GALNT14: variants seen among roughly 807,000 people sequenced by gnomAD.
The protein encoded by GALNT14 is polypeptide N-acetylgalactosaminyltransferase 14.
GALNT14 carries 60 observed loss-of-function variants against 77.5 expected under a neutral mutation model. The observed-to-expected ratio is 0.77, with a 90% CI of 0.63 to 0.96. The LOEUF is 0.96. GALNT14 is among the 40% of genes least tolerant of loss of function. The pLI is 0.00. For missense variants in GALNT14, 710 were observed against 731.0 expected (o/e 0.97, Z 0.33); for synonymous variants, 280 against 281.7 (o/e 0.99, Z 0.06).
intron 2 of GALNT14, among the ~76,000 whole-genome samples, chr2:30,972,752 G>A (rs1394614148): frequency 3.9e-5 from 6 of 152,190 alleles, no homozygotes; most frequent in Admixed American, 2.0e-4. Flanking sequence ...ACCACCCGAA[G>A]AGGCGGTTTC....
At chr2:31,093,558 C>T (rs1243992727) in intron 1 of GALNT14, among the ~76,000 whole-genome samples, 1 of 152,204 alleles carries the variant, frequency 6.6e-6, no homozygotes, top group Non-Finnish European at 1.5e-5. Context: ...TAAACATCCA[C>T]AGCACAGACC....
intron 1 of GALNT14, among the ~76,000 whole-genome samples, chr2:31,122,919 C>A (rs13413655): frequency 0.026 from 3,931 of 152,226 alleles, 159 homozygotes; most frequent in African/African-American, 0.084. Context: ...CTGTGGCTTA[C>A]GCCTGTAATC....
At chr2:31,112,068 C>A (rs1412410229) in intron 1 of GALNT14, among the ~76,000 whole-genome samples, 1 of 151,800 alleles carries the variant, frequency 6.6e-6, no homozygotes, top group Non-Finnish European at 1.5e-5. Flanking sequence ...ACTGAGCTCC[C>A]ATTTCAATTG....
intron 1 of GALNT14, among the ~76,000 whole-genome samples, chr2:31,035,617 C>CACA (rs1558512364): frequency 1.7e-4 from 5 of 29,756 alleles, no homozygotes; most frequent in African/African-American, 8.5e-4. Context: ...ACACACACAC[C>CACA]TACACACACA....
At chr2:31,012,339 C>A (rs960479770) in intron 1 of GALNT14, among the ~76,000 whole-genome samples, 2 of 152,204 alleles carry the variant, frequency 1.3e-5, no homozygotes, top group African/African-American at 2.4e-5. Flanking sequence ...GCAAGCAAAT[C>A]TGGTCCCTGC....
At chr2:30,948,803 A>C (rs547566551) in intron 6 of GALNT14, among the ~76,000 whole-genome samples, 1 of 152,084 alleles carries the variant, frequency 6.6e-6, no homozygotes, top group East Asian at 1.9e-4. Context: ...AGTCTTGGGG[A>C]CCCCCAGACT....
Position 30,940,371 on chromosome 2 carries a change from T to A in GALNT14, c.931+1830A>T, listed in dbSNP as rs546168406. Among the ~76,000 whole-genome samples, 4 of 152,304 alleles carry A rather than the reference T, an allele frequency of 2.6e-5. No homozygotes were observed. The East Asian group carries it at 7.7e-4, about 29-fold the overall frequency. ...ATGCTGCCTGAATCCAAATAGAACT[T>A]CCATGTGGAAGAAGAATCACTTTGT... On this transcript the variant is annotated intron_variant, in intron 9 of 14. Coordinates refer to ENST00000349752, the MANE Select transcript of GALNT14 (RefSeq NM_024572.4).
At chr2:30,932,690 G>A (rs1245044778) in intron 9 of GALNT14, among the ~76,000 whole-genome samples, 1 of 152,184 alleles carries the variant, frequency 6.6e-6, no homozygotes, top group East Asian at 1.9e-4. Context: ...GAAGACTCAG[G>A]ACAGGCTAGA....
At chr2:31,102,171 A>ATT (rs1201022075) in intron 1 of GALNT14, among the ~76,000 whole-genome samples, 2 of 85,308 alleles carry the variant, frequency 2.3e-5, no homozygotes, top group Non-Finnish European at 4.3e-5. Flanking sequence ...TAACTCATTA[A>ATT]TCTCTTTTAT....
intron 1 of GALNT14, among the ~76,000 whole-genome samples, chr2:31,123,723 TG>T (rs1433831908): frequency 6.6e-6 from 1 of 152,178 alleles, no homozygotes; most frequent in Non-Finnish European, 1.5e-5. Context: ...AAGAGTGACA[TG>T]ATCAGGACAG....
chr2:31,125,170 T>A (rs763434677), intron 1 of GALNT14: 12 of 1,550,074 alleles, frequency 7.7e-6, no homozygotes, highest in Non-Finnish European at 4.4e-6. Context: ...GAAGATGCCC[T>A]CTTTGGTAGG....
At chr2:31,130,734 C>CTGTGGTGTG in intron 1 of GALNT14, among the ~76,000 whole-genome samples, 1 of 117,470 alleles carries the variant, frequency 8.5e-6, no homozygotes, top group Non-Finnish European at 1.7e-5. Flanking sequence ...CAGGGTACCT[C>CTGTGGTGTG]TGTGTGTGTG....
the GALNT14 span, among the ~76,000 whole-genome samples, chr2:30,892,571 T>C: frequency 6.6e-6 from 1 of 152,206 alleles, no homozygotes; most frequent in East Asian, 1.9e-4. Context: ...TGGACTACCT[T>C]TTCCAGCATG....
intron 1 of GALNT14, among the ~76,000 whole-genome samples, chr2:31,092,618 G>T (rs1193117150): frequency 1.3e-5 from 2 of 152,076 alleles, no homozygotes; most frequent in Non-Finnish European, 2.9e-5. Context: ...AGGAGATAAG[G>T]CTCCCTCTCC....
intron 13 of GALNT14, among the ~76,000 whole-genome samples, chr2:30,922,908 G>A (rs1351172462): frequency 6.6e-6 from 1 of 152,132 alleles, no homozygotes; most frequent in Non-Finnish European, 1.5e-5. Context: ...CAATAAACAG[G>A]AAACTGTCAA....
chr2:30,965,726 C>A (rs1039940759), intron 3 of GALNT14, among the ~76,000 whole-genome samples: 4 of 152,150 alleles, frequency 2.6e-5, no homozygotes, highest in Non-Finnish European at 5.9e-5. Context: ...GGAAGGCAAG[C>A]CTTAGTGATT....
chr2:30,895,507 C>T, the GALNT14 span, among the ~76,000 whole-genome samples: 1 of 152,286 alleles, frequency 6.6e-6, no homozygotes, highest in East Asian at 1.9e-4. Flanking sequence ...GTGTTCTTCT[C>T]CAACCTCTAA....
the GALNT14 span, among the ~76,000 whole-genome samples, chr2:30,888,749 G>T: frequency 2.0e-5 from 3 of 152,208 alleles, no homozygotes; most frequent in Admixed American, 6.5e-5. Context: ...AGAGGAGGGT[G>T]CAGGGCCCCA....
chr2:30,969,173 G>A (rs1359807539), intron 2 of GALNT14, among the ~76,000 whole-genome samples: 1 of 152,226 alleles, frequency 6.6e-6, no homozygotes, highest in Non-Finnish European at 1.5e-5. Flanking sequence ...ATAAGAGACA[G>A]CAGAGGAAAA....
Sources: allele counts gnomAD v4.1 joint callset (sites outside exome capture counted in the v4.1 genomes callset), GRCh38; gene constraint gnomAD v4.1.1; transcripts MANE v1.5; gene names NCBI Gene and HGNC (gene_info 2026-07-23, HGNC 2026-07-21).